TAOK3: variants seen among roughly 807,000 people sequenced by gnomAD.
TAOK3 encodes the protein TAO kinase 3.
TAOK3 carries 40 observed loss-of-function variants against 120.4 expected under a neutral mutation model. The observed-to-expected ratio is 0.33, with a 90% confidence interval of 0.26 to 0.43. The LOEUF is 0.43. Ranked by LOEUF, TAOK3 falls within the 20% of genes least tolerant of loss-of-function variation. TAOK3 has a pLI of 1.00. For missense variants in TAOK3, 821 were observed against 1,112.1 expected (o/e 0.74, Z 3.72); for synonymous variants, 355 against 387.5 (o/e 0.92, Z 0.99).
At chr12:118,155,456 C>T (rs2034755909) in intron 19 of TAOK3, among the ~76,000 whole-genome samples, 1 of 152,202 alleles carries the variant, frequency 6.6e-6, no homozygotes, top group Non-Finnish European at 1.5e-5. Context: ...TTTGCCAACT[C>T]CTGTCCTAAG....
chr12:118,348,887 T>G (rs2045005911), intron 1 of TAOK3, among the ~76,000 whole-genome samples: 1 of 150,302 alleles, frequency 6.7e-6, no homozygotes, highest in African/African-American at 2.5e-5. Context: ...TCACTCTTGT[T>G]GCCCGGGTCT....
intron 1 of TAOK3, among the ~76,000 whole-genome samples, chr12:118,298,211 T>C (rs916453217): frequency 9.9e-5 from 15 of 152,154 alleles, no homozygotes; most frequent in Non-Finnish European, 4.4e-5. Flanking sequence ...ATCTGGAGAG[T>C]ATCAACTCCA....
intron 1 of TAOK3, among the ~76,000 whole-genome samples, chr12:118,278,510 T>A (rs1220666166): frequency 6.6e-6 from 1 of 152,236 alleles, no homozygotes; most frequent in Non-Finnish European, 1.5e-5. Flanking sequence ...TTCCATGGTG[T>A]ATATGCACCA....
chr12:118,269,380 CTTCTT>C (rs1223088547), intron 1 of TAOK3, among the ~76,000 whole-genome samples: 2 of 140,044 alleles, frequency 1.4e-5, no homozygotes, highest in African/African-American at 2.6e-5. Context: ...CTATCTCTCT[CTTCTT>C]TTTTTTTTTT....
intron 9 of TAOK3, among the ~76,000 whole-genome samples, chr12:118,228,859 T>C (rs2039630247): frequency 6.6e-6 from 1 of 152,204 alleles, no homozygotes; most frequent in Admixed American, 6.5e-5. Flanking sequence ...TAATGAGGCT[T>C]AGTGTCTTCT....
intron 1 of TAOK3, among the ~76,000 whole-genome samples, chr12:118,330,343 T>A (rs1251521090): frequency 6.6e-6 from 1 of 152,228 alleles, no homozygotes; most frequent in East Asian, 1.9e-4. Flanking sequence ...GTTGTGTTTT[T>A]ATATATGCCA....
At chr12:118,295,079 G>A (rs945206314) in intron 1 of TAOK3, among the ~76,000 whole-genome samples, 9 of 148,128 alleles carry the variant, frequency 6.1e-5, no homozygotes, top group South Asian at 2.1e-4. Context: ...TTTTGGAGAC[G>A]GAGTTTTGCT....
At chr12:118,312,340 G>C (rs1372909758) in intron 1 of TAOK3, among the ~76,000 whole-genome samples, 3 of 151,686 alleles carry the variant, frequency 2.0e-5, no homozygotes, top group African/African-American at 7.3e-5. Context: ...CTACTTTAAA[G>C]CCTATAGAAA....
intron 17 of TAOK3, among the ~76,000 whole-genome samples, chr12:118,167,592 T>C (rs1298508286): frequency 6.6e-6 from 1 of 150,648 alleles, no homozygotes; most frequent in South Asian, 2.1e-4. Context: ...GAAAAAAGAG[T>C]TACAAAACAG....
intron 1 of TAOK3, among the ~76,000 whole-genome samples, chr12:118,342,538 C>T (rs1013805268): frequency 7.2e-5 from 11 of 152,080 alleles, no homozygotes; most frequent in African/African-American, 2.7e-4. Context: ...TTTACTATGC[C>T]ATGACAAGAT....
chr12:118,199,368 C>G lies in TAOK3; in HGVS notation c.988-111G>C. 3 of 818,930 alleles carry G rather than the reference C, an allele frequency of 3.7e-6. 1 individual carries two copies. The South Asian group carries it at 4.7e-5, about 13-fold the overall frequency. The allele number at this position is 818,930 out of a possible 1,614,324, so 50.7% of individuals were successfully genotyped here. The stretch of plus-strand genomic sequence containing the variant: ...TTGCAGTGTCAAGTTGCTTTTCTGC[C>G]AATCTGCAAAGACAAACTTTTTATG... On this transcript the variant is annotated intron_variant, in intron 12 of 20. Transcript: ENST00000392533.
intron 1 of TAOK3, among the ~76,000 whole-genome samples, chr12:118,318,450 C>A (rs1593524114): frequency 1.3e-5 from 2 of 152,292 alleles, no homozygotes; most frequent in East Asian, 3.9e-4. Context: ...GCCGCTGCGC[C>A]TGGCCACAAC....
chr12:118,333,537 G>A (rs1012694973), intron 1 of TAOK3, among the ~76,000 whole-genome samples: 31 of 151,948 alleles, frequency 2.0e-4, no homozygotes, highest in African/African-American at 7.2e-4. Context: ...AGAGAGAAAT[G>A]GCCTCAGATT....
At chr12:118,185,834 T>C (rs1441951496) in intron 14 of TAOK3, among the ~76,000 whole-genome samples, 3 of 152,190 alleles carry the variant, frequency 2.0e-5, no homozygotes, top group Non-Finnish European at 4.4e-5. Flanking sequence ...GGGTTGGGCA[T>C]GTAGATTGGA....
At chr12:118,291,013 G>T (rs2042454802) in intron 1 of TAOK3, among the ~76,000 whole-genome samples, 1 of 151,450 alleles carries the variant, frequency 6.6e-6, no homozygotes, top group African/African-American at 2.4e-5. Flanking sequence ...CTGCCACCAT[G>T]CCCAGCTAAT....
At chr12:118,193,046 G>GT (rs1319064230) in intron 13 of TAOK3, among the ~76,000 whole-genome samples, 498 of 99,662 alleles carry the variant, frequency 5.0e-3, no homozygotes, top group African/African-American at 0.016. Context: ...TTACCACGTT[G>GT]TTGTTTTTTT....
At chr12:118,163,488 C>T (rs1474600569) in intron 17 of TAOK3, among the ~76,000 whole-genome samples, 6 of 149,300 alleles carry the variant, frequency 4.0e-5, no homozygotes, top group African/African-American at 1.5e-4. Context: ...ACTATGTTGC[C>T]CAGGTTGGTC....
In TAOK3 at chr12:118,255,623, G is replaced by T. The variant is rs2140155192; in HGVS notation, c.-56C>A. 1.3e-6 allele frequency: 2 copies of T among 1,530,000 alleles called. No individual in the cohort carries two copies. The highest frequency in any genetic ancestry group is 1.3e-5 in the South Asian group (1 of 77,912). 94.8% of individuals were successfully genotyped at this position (1,530,000 alleles called of 1,614,324 possible). On this transcript the variant is annotated 5_prime_UTR_variant, in exon 3 of 21. Coordinates refer to ENST00000392533, the MANE Select transcript of TAOK3 (RefSeq NM_016281.4). The stretch of plus-strand genomic sequence containing the variant: ...ATATCAGTTAGCTTTATTTCTCATT[G>T]ACAATTTTTTTTGGGGGGTAAATCT...
intron 17 of TAOK3, among the ~76,000 whole-genome samples, chr12:118,164,649 C>T (rs900525442): frequency 5.9e-5 from 9 of 152,000 alleles, no homozygotes; most frequent in Non-Finnish European, 8.8e-5. Flanking sequence ...AACTCCTGAC[C>T]GCAGGTGATC....
Sources: gnomAD v4.1 joint callset for allele counts (sites outside exome capture counted in the v4.1 genomes callset) on GRCh38, gnomAD v4.1.1 for gene constraint, MANE v1.5 for transcripts, NCBI Gene and HGNC (gene_info 2026-07-23, HGNC 2026-07-21) for gene names.